Variants in ERICH3 observed in about 807,000 individuals in gnomAD.
The protein encoded by ERICH3 is glutamate rich 3.
A neutral mutation model predicts 131.1 loss-of-function variants in ERICH3; 126 were observed. The observed-to-expected ratio is 0.96, with a 90% CI of 0.83 to 1.11. The LOEUF (loss-of-function observed/expected upper bound fraction) is 1.11. Among genes scored for constraint, ERICH3 ranks in the 50% most tolerant of loss-of-function variants. ERICH3 has a pLI of 0.00. For missense variants in ERICH3, 2,050 were observed against 1,810.7 expected (o/e 1.13, Z -2.40); for synonymous variants, 695 against 644.6 (o/e 1.08, Z -1.18).
rs567858555 is a variant in ERICH3 at position 74,606,777 on chromosome 1, A to T, written c.1313T>A (p.Val438Glu). The part of the protein sequence containing the change: ...EGKVRKEREY[V>E]IPKRNEIKEN... ...CTTGATCTCATTTCTTTTTGGTATC[A>T]CATACTCTCTCTCTTTCCTCACTTT... Residue 438 changes from valine to glutamate, a missense_variant, in exon 10 of 15, where the codon GTG (valine) becomes GAG (glutamate). Transcript: ENST00000326665. 1.9e-5 allele frequency: 31 copies of T among 1,613,244 alleles called. No homozygotes were observed. The highest frequency in any genetic ancestry group is 2.7e-5 in the African/African-American group (2 of 74,824).
chr1:74,573,139 GTC>G lies in ERICH3; in HGVS notation c.2569_2570del (p.Asp857ProfsTer15). The G allele has an allele frequency of 2.5e-6, 4 of 1,613,294 alleles. No individual in the cohort carries two copies. Among genetic ancestry groups the G allele is most frequent in the Non-Finnish European group, 2.5e-6 (3 of 1,179,658 alleles). ...CTTTTGCTGCTGCTTGTCCTATGGG[GTC>G]TGACCCCCCTTCACCCAGCCTTCTG... ...GVRRLGEGGS[D>X]PIGQAAAKDA... On this transcript the variant is annotated frameshift_variant, in exon 14 of 15. Transcript: ENST00000326665. LOFTEE classifies it high-confidence loss of function.
At position 74,612,620 on chromosome 1, in the gene ERICH3, T is replaced by C; in HGVS notation, c.1187+3A>G. On this transcript the variant is annotated splice_donor_region_variant and intron_variant, in intron 9 of 14. Transcript: ENST00000326665. ...CTCTACCAAAGGACATTTGTTTCCA[T>C]ACTTGTAGCAAGGAGATGATCTCTC... 6.5e-7 allele frequency: 1 copy of C among 1,545,790 alleles called. No individual in the cohort carries two copies. Among genetic ancestry groups the C allele is most frequent in the Non-Finnish European group, 8.8e-7 (1 of 1,132,148 alleles).
At position 74,606,658 on chromosome 1, in the gene ERICH3, T is replaced by C; in HGVS notation, c.1432A>G (p.Lys478Glu). 6.2e-7 allele frequency: 1 copy of C among 1,612,810 alleles called. No homozygotes were observed. Among genetic ancestry groups the C allele is most frequent in the Non-Finnish European group, 8.5e-7 (1 of 1,179,280 alleles). Residue 478 changes from lysine (K) to glutamate (E), a missense_variant, in exon 10 of 15, where the codon AAA becomes GAA. Physicochemically the swap from Lys to Glu is moderately conservative, Grantham distance 56 (BLOSUM62 1). Coordinates refer to ENST00000326665, the MANE Select transcript of ERICH3 (RefSeq NM_001002912.5). ...AAGACTTCTTGTCCTGGTTTTCCTTTACTTGTCATTTCCTCCACAGCAGTT... is the reference window on the plus strand; with the variant it reads ...AAGACTTCTTGTCCTGGTTTTCCTTCACTTGTCATTTCCTCCACAGCAGTT... ...VVTAVEEMTS[K>E]GKPGQEVLED...
At position 74,573,317 on chromosome 1, in the gene ERICH3, C is replaced by A; in HGVS notation, c.2393G>T (p.Trp798Leu). Residue 798 changes from tryptophan to leucine, a missense_variant, in exon 14 of 15, where the codon TGG becomes TTG. Coordinates refer to ENST00000326665, the MANE Select transcript of ERICH3 (RefSeq NM_001002912.5). ...IVQGKGEAAL[W>L]GEAGAVHEAP... ...CTCATGAACAGCTCCTGCTTCTCCCCACAGTGCTGCCTCCCCTTTTCCCTG... is the reference window on the plus strand; with the variant it reads ...CTCATGAACAGCTCCTGCTTCTCCCAACAGTGCTGCCTCCCCTTTTCCCTG... The A allele has an allele frequency of 6.2e-7, 1 of 1,604,304 alleles. No individual in the cohort carries two copies. The highest frequency in any genetic ancestry group is 1.7e-4 in the Middle Eastern group (1 of 5,982).
intron 12 of ERICH3, among the ~76,000 whole-genome samples, chr1:74,580,927 T>C (rs1256667000): frequency 6.6e-6 from 1 of 152,140 alleles, no homozygotes; most frequent in Non-Finnish European, 1.5e-5. Context: ...CCTTTCACTT[T>C]CCCCGCCTGG....
intron 1 of ERICH3, among the ~76,000 whole-genome samples, chr1:74,667,360 T>C (rs1255043617): frequency 6.6e-6 from 1 of 152,226 alleles, no homozygotes; most frequent in Non-Finnish European, 1.5e-5. Flanking sequence ...GACTGACATG[T>C]ATGGAGTCAT....
In ERICH3 at chr1:74,573,020, T is replaced by C; in HGVS notation, c.2690A>G (p.Gln897Arg). ...ETDKAASEGE[Q>R]GLEKAVLANE... ...TGCAAGCACTGCCTTCTCTAAACCCTGTTCCCCTTCAGAAGCTGCTTTGTC... is the reference window on the plus strand; with the variant it reads ...TGCAAGCACTGCCTTCTCTAAACCCCGTTCCCCTTCAGAAGCTGCTTTGTC... The change falls in exon 14 of 15, where the codon CAG becomes CGG. Residue 897 changes from glutamine to arginine, a missense_variant. Gln to Arg is a conservative substitution (Grantham distance 43, BLOSUM62 1). Coordinates refer to ENST00000326665, the MANE Select transcript of ERICH3 (RefSeq NM_001002912.5). 1 of 1,614,156 alleles carries C rather than the reference T, an allele frequency of 6.2e-7. No homozygotes were observed. Among genetic ancestry groups the C allele is most frequent in the Non-Finnish European group, 8.5e-7 (1 of 1,180,024 alleles).
chr1:74,671,467 C>T (rs1283529030), intron 1 of ERICH3, among the ~76,000 whole-genome samples: 2 of 152,180 alleles, frequency 1.3e-5, no homozygotes, highest in African/African-American at 2.4e-5. Flanking sequence ...CATCACAGTC[C>T]TACCAATATG....
intron 1 of ERICH3, among the ~76,000 whole-genome samples, chr1:74,669,247 C>T (rs190714987): frequency 4.6e-5 from 7 of 152,220 alleles, no homozygotes; most frequent in African/African-American, 1.7e-4. Flanking sequence ...ACTAATAAGC[C>T]TAAACTAACA....
intron 8 of ERICH3, among the ~76,000 whole-genome samples, chr1:74,613,053 T>C (rs1025195707): frequency 6.6e-6 from 1 of 152,194 alleles, no homozygotes; most frequent in Non-Finnish European, 1.5e-5. Context: ...AATCTCATAA[T>C]GTTTGAAGAA....
intron 5 of ERICH3, among the ~76,000 whole-genome samples, chr1:74,637,342 T>A (rs1455237106): frequency 6.6e-6 from 1 of 152,092 alleles, no homozygotes; most frequent in African/African-American, 2.4e-5. Context: ...GGTGTCCAAT[T>A]CCTCTGTTCC....
intron 12 of ERICH3, chr1:74,577,322 A>T (rs1011608939): frequency 1.3e-5 from 2 of 159,534 alleles, no homozygotes; most frequent in Admixed American, 1.3e-4. Context: ...AGGATTTCTG[A>T]AGGTTCTTCC....
At chr1:74,648,056 A>G (rs1302320110) in intron 2 of ERICH3, among the ~76,000 whole-genome samples, 1 of 152,118 alleles carries the variant, frequency 6.6e-6, no homozygotes, top group East Asian at 1.9e-4. Flanking sequence ...TGATTCAGTT[A>G]GGTCTCACAT....
At chr1:74,654,446 C>G (rs1243585854) in intron 1 of ERICH3, among the ~76,000 whole-genome samples, 1 of 151,952 alleles carries the variant, frequency 6.6e-6, no homozygotes, top group Admixed American at 6.6e-5. Context: ...GCTGCTCTAA[C>G]AGAATACCAT....
In ERICH3 at chr1:74,601,733, A is replaced by G. The variant is rs114136800; in HGVS notation, c.1490-1802T>C. Among the ~76,000 whole-genome samples the G allele has an allele frequency of 6.8e-3, 1,038 of 151,986 alleles. 15 individuals carry two copies. The highest frequency in any genetic ancestry group is 0.024 in the African/African-American group (990 of 41,512). ...GAGAGAATATGAGTGGATTGCTGCA[A>G]TTCCATCCATAGTGTTACATAGTAG... On this transcript the variant is annotated intron_variant, in intron 10 of 14. Coordinates refer to ENST00000326665, the MANE Select transcript of ERICH3 (RefSeq NM_001002912.5).
intron 13 of ERICH3, among the ~76,000 whole-genome samples, chr1:74,574,370 T>C (rs555193314): frequency 6.6e-6 from 1 of 152,308 alleles, no homozygotes; most frequent in Non-Finnish European, 1.5e-5. Flanking sequence ...AGCAACACAA[T>C]CATTATACAG....
chr1:74,591,355 T>C (rs1423406121), intron 11 of ERICH3, among the ~76,000 whole-genome samples: 1 of 152,190 alleles, frequency 6.6e-6, no homozygotes, highest in Non-Finnish European at 1.5e-5. Context: ...ACTTCTGACA[T>C]GTAAGCTATA....
chr1:74,623,192 C>T (rs1267513031), intron 7 of ERICH3: 1 of 152,232 alleles, frequency 6.6e-6, no homozygotes, highest in African/African-American at 2.4e-5. Flanking sequence ...CATGCCCCTG[C>T]ATAACTAAAG....
chr1:74,591,975 T>TA (rs1005397180), intron 11 of ERICH3: 8 of 152,142 alleles, frequency 5.3e-5, no homozygotes, highest in African/African-American at 1.9e-4. Context: ...GAGTTTAAGA[T>TA]AAAAAATACC....
Sources: allele counts gnomAD v4.1 joint callset (sites outside exome capture counted in the v4.1 genomes callset), GRCh38; gene constraint gnomAD v4.1.1; transcripts MANE v1.5; gene names NCBI Gene and HGNC (gene_info 2026-07-23, HGNC 2026-07-21).